TTK: variants seen among roughly 807,000 people sequenced by gnomAD.
TTK encodes the protein TTK protein kinase.
Under a neutral mutation model 117.3 loss-of-function variants are expected in TTK, and 59 were observed. The observed-to-expected ratio is 0.50, with a 90% CI of 0.41 to 0.62. The LOEUF (loss-of-function observed/expected upper bound fraction) is 0.62, where lower values mean the gene tolerates loss of function less well. Among genes scored for constraint, TTK ranks in the 20% least tolerant of loss-of-function variants. The pLI, the probability that TTK is intolerant of heterozygous loss-of-function variation, is 0.00. For missense variants in TTK, 921 were observed against 989.4 expected (o/e 0.93, Z 0.93); for synonymous variants, 302 against 325.0 (o/e 0.93, Z 0.76).
intron 1 of TTK, 57 bp from the exon 2 acceptor site, chr6:80,005,784 AT>A (rs1207775872): frequency 1.1e-5 from 17 of 1,577,002 alleles, no homozygotes; most frequent in Non-Finnish European, 1.3e-5. Context: ...AAGCTAGTGC[AT>A]TTTTTTCTTT....
In TTK at chr6:80,036,608, TA is replaced by T. The variant is rs1310084093; in HGVS notation, c.2049+11del. The T allele has an allele frequency of 6.2e-7, 1 of 1,602,792 alleles. No individual in the cohort carries two copies. The highest frequency in any genetic ancestry group is 1.7e-5 in the Admixed American group (1 of 57,944). ...TTGTTAAAGATTCTCAGGTAAGACTTAATGTTGGTTCTCTCACAGTAGAGTT... is the reference window on the plus strand; with the variant it reads ...TTGTTAAAGATTCTCAGGTAAGACTTATGTTGGTTCTCTCACAGTAGAGTT... On this transcript the variant is annotated intron_variant, in intron 17 of 21. Transcript: ENST00000369798.
At chr6:80,040,445 T>C (rs1768017844) in intron 20 of TTK, among the ~76,000 whole-genome samples, 161 bp from the exon 21 acceptor site, 1 of 151,856 alleles carries the variant, frequency 6.6e-6, no homozygotes, top group African/African-American at 2.4e-5. Flanking sequence ...TAAACTTTTT[T>C]TTCTTTACTT....
chr6:80,011,855 T>C (rs763809245), intron 7 of TTK, 31 bp from the exon 8 acceptor site: 57 of 1,612,104 alleles, frequency 3.5e-5, no homozygotes, highest in Non-Finnish European at 4.7e-5. Flanking sequence ...TATTTCCTAG[T>C]TGGTTATTTA....
Position 80,013,309 on chromosome 6 carries a change from G to T in TTK, c.927G>T (p.Leu309Phe), listed in dbSNP as rs776441338. 1.2e-6 allele frequency: 2 copies of T among 1,600,886 alleles called. No individual in the cohort carries two copies. Among genetic ancestry groups the T allele is most frequent in the Admixed American group, 3.5e-5 (2 of 57,030 alleles). The change falls in exon 9 of 22, where the codon TTG becomes TTT. Residue 309 changes from leucine (L) to phenylalanine (F), a missense_variant. Physicochemically the swap from Leu to Phe is conservative, Grantham distance 22. Coordinates refer to ENST00000369798, the MANE Select transcript of TTK (RefSeq NM_003318.5). ...CCTCTAGATCAGAATGCCGAGATTT[G>T]GTTGTGCCTGGATCTAAACCAAGTG... ...RQTSRSECRD[L>F]VVPGSKPSGN...
chr6:80,015,666 A>G (rs1040436623), intron 10 of TTK, among the ~76,000 whole-genome samples: 1 of 152,230 alleles, frequency 6.6e-6, no homozygotes, highest in Non-Finnish European at 1.5e-5. Flanking sequence ...ATCTATTGTA[A>G]CTGGTATGAT....
rs576745721 is a variant in TTK, at chr6:80,008,102, T to TA, written c.362+77dup. 26 of 1,489,114 alleles carry TA rather than the reference T, an allele frequency of 1.7e-5. No individual in the cohort carries two copies. The African/African-American group carries it at 3.1e-4, about 18-fold the overall frequency. 92.2% of individuals were successfully genotyped at this position (1,489,114 alleles called of 1,614,324 possible). ...GTAACTACACTGCAAAGAGAGAAAA[T>TA]AAAAAACATGGCAGTATTGTGAGAA... On this transcript the variant is annotated intron_variant, in intron 3 of 21. Transcript: ENST00000369798.
intron 11 of TTK, among the ~76,000 whole-genome samples, chr6:80,023,758 T>C (rs1012208710): frequency 6.6e-6 from 1 of 152,228 alleles, no homozygotes; most frequent in African/African-American, 2.4e-5. Context: ...ACTAGATTCT[T>C]ATGTCTGCTT....
rs746572464 is a variant in TTK, at chr6:80,011,449, C to T, written c.629C>T (p.Thr210Ile). 1 of 1,595,938 alleles carries T rather than the reference C, an allele frequency of 6.3e-7. No individual in the cohort carries two copies. Among genetic ancestry groups the T allele is most frequent in the Non-Finnish European group, 8.5e-7 (1 of 1,174,688 alleles). ...ATTTTTACAGCATCTACGGTATTAA[C>T]TGCCCAAGAATCATTTTCCGGTTCA... ...KKNLSASTVL[T>I]AQESFSGSLG... The change falls in exon 6 of 22, where the codon ACT (threonine) becomes ATT (isoleucine). Residue 210 changes from threonine to isoleucine, a missense_variant. Transcript: ENST00000369798.
chr6:80,007,843 G>A lies in TTK; in HGVS notation c.174G>A (p.Met58Ile). The change falls in exon 3 of 22, where the codon ATG becomes ATA. Residue 58 changes from methionine (M) to isoleucine (I), a missense_variant. Coordinates refer to ENST00000369798, the MANE Select transcript of TTK (RefSeq NM_003318.5). ...NSGTVNQIMM[M>I]ANNPEDWLSL... ...GAACTGTTAACCAAATTATGATGAT[G>A]GCAAACAACCCAGAGGACTGGTTGA... 6.2e-7 allele frequency: 1 copy of A among 1,612,132 alleles called. No homozygotes were observed. The highest frequency in any genetic ancestry group is 8.5e-7 in the Non-Finnish European group (1 of 1,178,978).
chr6:80,015,723 T>C lies in TTK; in HGVS notation c.1108+1137T>C. ...ATATGCTTGTTAATAGTACTCTCAA[T>C]ACCTAATTTAATGTTTTAAATGAAT... On this transcript the variant is annotated intron_variant, in intron 10 of 21. Coordinates refer to ENST00000369798, the MANE Select transcript of TTK (RefSeq NM_003318.5). Among the ~76,000 whole-genome samples, 2 of 152,218 alleles carry C rather than the reference T, an allele frequency of 1.3e-5. 1 individual carries two copies. Among genetic ancestry groups the C allele is most frequent in the Non-Finnish European group, 2.9e-5 (2 of 68,032 alleles).
At position 80,039,737 on chromosome 6, in the gene TTK, G is replaced by A. The variant is rs1390521116; in HGVS notation, c.2172G>A (p.Leu724=). ...KSDVWSLGCI[L]YYMTYGKTPF... is the part of the protein sequence containing the mutation. Reference sequence around the variant, plus strand: ...ATGTTTGGTCCTTAGGATGTATTTTGTACTATATGACTTACGGGAAAACAC... The same window carrying A: ...ATGTTTGGTCCTTAGGATGTATTTTATACTATATGACTTACGGGAAAACAC... The change falls in exon 19 of 22, where the codon TTG becomes TTA. Residue 724 remains leucine (L), a synonymous_variant. Coordinates refer to ENST00000369798, the MANE Select transcript of TTK (RefSeq NM_003318.5). The A allele has an allele frequency of 6.3e-7, 1 of 1,580,888 alleles. No individual in the cohort carries two copies.
chr6:80,036,511 TG>T lies in TTK; in HGVS notation c.1962del (p.Ile655Ter). 1 of 1,611,410 alleles carries T rather than the reference TG, an allele frequency of 6.2e-7. No homozygotes were observed. The highest frequency in any genetic ancestry group is 8.5e-7 in the Non-Finnish European group (1 of 1,178,758). On this transcript the variant is annotated frameshift_variant, in exon 17 of 22. Transcript: ENST00000369798. LOFTEE classifies it high-confidence loss of function. ...AGTGATCTTAAACCAGCTAACTTTC[TG>T]ATAGTTGATGGAATGCTAAAGCTAA... ...VHSDLKPANFLIVDGMLKLID... is the reference protein window; with the variant it reads ...VHSDLKPANFXIVDGMLKLID...
chr6:80,029,368 T>C (rs1407180881), intron 13 of TTK, among the ~76,000 whole-genome samples: 1 of 152,214 alleles, frequency 6.6e-6, no homozygotes, highest in Non-Finnish European at 1.5e-5. Context: ...GACAAAATAA[T>C]GAGCTGACAG....
At chr6:80,030,790 G>C (rs1486870948) in intron 13 of TTK, among the ~76,000 whole-genome samples, 1 of 152,144 alleles carries the variant, frequency 6.6e-6, no homozygotes, top group South Asian at 2.1e-4. Context: ...AACCATATCA[G>C]GGACATTGCT....
In TTK at chr6:80,010,912, C is replaced by A. The variant is rs1562011725; in HGVS notation, c.568C>A (p.Gln190Lys). The change falls in exon 5 of 22, where the codon CAA (glutamine) becomes AAA (lysine). Residue 190 changes from glutamine (Q) to lysine (K), a missense_variant. Coordinates refer to ENST00000369798, the MANE Select transcript of TTK (RefSeq NM_003318.5). ...AATTGCCCTGCGGAATTTAAACCTC[C>A]AAAAAAAGCAGCTGCTTTCAGAGGA... ...LEIALRNLNL[Q>K]KKQLLSEEEK... 6.2e-7 allele frequency: 1 copy of A among 1,611,430 alleles called. No individual in the cohort carries two copies. The highest frequency in any genetic ancestry group is 1.1e-5 in the South Asian group (1 of 90,938).
chr6:80,023,754 T>C (rs1304945985), intron 11 of TTK, among the ~76,000 whole-genome samples: 3 of 152,188 alleles, frequency 2.0e-5, no homozygotes, highest in Non-Finnish European at 4.4e-5. Flanking sequence ...GAAGACTAGA[T>C]TCTTATGTCT....
chr6:80,021,661 CTTG>C (rs1010372464), intron 10 of TTK, among the ~76,000 whole-genome samples: 2 of 152,048 alleles, frequency 1.3e-5, no homozygotes, highest in African/African-American at 2.4e-5. Context: ...GTCTGAATGT[CTTG>C]TTGTGATAGT....
chr6:80,011,172 A>G (rs1333765706), intron 5 of TTK, among the ~76,000 whole-genome samples: 1 of 151,626 alleles, frequency 6.6e-6, no homozygotes, highest in Non-Finnish European at 1.5e-5. Context: ...CATGAAAAAC[A>G]ACTCTAAGCA....
rs1362436584 is a variant in TTK at position 80,007,811 on chromosome 6, A to G, written c.142A>G (p.Asn48Asp). 6.2e-7 allele frequency: 1 copy of G among 1,600,818 alleles called. No individual in the cohort carries two copies. The highest frequency in any genetic ancestry group is 8.5e-7 in the Non-Finnish European group (1 of 1,173,256). Residue 48 changes from asparagine (N) to aspartate (D), a missense_variant and splice_region_variant, in exon 3 of 22, where the codon AAC becomes GAC. Physicochemically the swap from Asn to Asp is conservative, Grantham distance 23. Coordinates refer to ENST00000369798, the MANE Select transcript of TTK (RefSeq NM_003318.5). Reference sequence around the variant, plus strand: ...TATATTTTGTTCCCCTTATTTAGATAACTCGGGAACTGTTAACCAAATTAT... The same window carrying G: ...TATATTTTGTTCCCCTTATTTAGATGACTCGGGAACTGTTAACCAAATTAT... ...LNKISADTTDNSGTVNQIMMM... is the reference protein window; with the variant it reads ...LNKISADTTDDSGTVNQIMMM...
Sources: allele counts gnomAD v4.1 joint callset (sites outside exome capture counted in the v4.1 genomes callset), GRCh38; gene constraint gnomAD v4.1.1; transcripts MANE v1.5; gene names NCBI Gene and HGNC (gene_info 2026-07-23, HGNC 2026-07-21).